TDG: variants seen among roughly 807,000 people sequenced by gnomAD.
TDG encodes thymine DNA glycosylase.
A neutral mutation model predicts 46.1 loss-of-function variants in TDG; 23 were observed. The ratio of observed to expected loss-of-function variants is 0.50; its 90% CI spans 0.36 to 0.71. The LOEUF is 0.71. Among genes scored for constraint, TDG ranks in the 30% least tolerant of loss-of-function variants. The probability of loss-of-function intolerance (pLI) is 0.00; values close to 1 mark genes in which losing one functional copy is unlikely to be tolerated. For missense variants in TDG, 304 were observed against 486.7 expected, an observed-to-expected ratio of 0.62 and a Z score of 3.53; for synonymous variants, 115 against 161.3, an observed-to-expected ratio of 0.71 and a Z score of 2.18.
At chr12:103,984,981 T>C (rs1872047487) in intron 8 of TDG, 61 bp downstream of exon 8, 8 of 1,305,180 alleles carry the variant, frequency 6.1e-6, no homozygotes, top group Admixed American at 2.4e-5. Flanking sequence ...ACATATATAC[T>C]TACATATATA....
chr12:103,977,162 G>T (rs1177751110), intron 2 of TDG, 102 bp downstream of exon 2: 1 of 1,485,550 alleles, frequency 6.7e-7, no homozygotes, highest in East Asian at 2.3e-5. Context: ...GTGTTAAAAA[G>T]TCAAATCCAC....
rs1016872838 is a variant in TDG, at chr12:103,971,285, G to A, written c.23+5225G>A. ...GCAGCTATAAGAAAACAATCTAGCC[G>A]GACACAGTGGCTCACACCTGTAATC... On this transcript the variant is annotated intron_variant, in intron 1 of 9. Transcript: ENST00000392872. Among the ~76,000 whole-genome samples, 6 of 152,158 alleles carry A rather than the reference G, an allele frequency of 3.9e-5. No individual in the cohort carries two copies. In the East Asian group the frequency reaches 5.8e-4, roughly 15 times the overall value.
At position 103,979,883 on chromosome 12, in the gene TDG, A is replaced by G. The variant is rs1871736145; in HGVS notation, c.219A>G (p.Pro73=). The change falls in exon 3 of 10, where the codon CCA becomes CCG. Residue 73 remains proline (P), a synonymous_variant. Coordinates refer to ENST00000392872, the MANE Select transcript of TDG (RefSeq NM_003211.6). ...CCAGAACAACAGAACCAAAACAACC[A>G]GTGGAACCCAAAAAACCTGTTGAGT... ...RKPRTTEPKQ[P]VEPKKPVESK... is the part of the protein sequence containing the mutation. The G allele has an allele frequency of 6.2e-7, 1 of 1,604,172 alleles. No individual in the cohort carries two copies. The highest frequency in any genetic ancestry group is 8.5e-7 in the Non-Finnish European group (1 of 1,177,788).
At chr12:103,976,846 T>G in intron 1 of TDG, 72 bp from the exon 2 acceptor site, 3 of 1,577,616 alleles carry the variant, frequency 1.9e-6, no homozygotes, top group Admixed American at 1.8e-5. Context: ...TGAAGATTTT[T>G]GTACAGCTGA....
intron 2 of TDG, among the ~76,000 whole-genome samples, chr12:103,978,142 AATC>A (rs1871629804): frequency 1.3e-5 from 2 of 152,192 alleles, no homozygotes; most frequent in African/African-American, 4.8e-5. Flanking sequence ...CTGTTTGAAT[AATC>A]TAGGGGAGCA....
chr12:103,970,988 A>T lies in TDG; in HGVS notation c.23+4928A>T, dbSNP rs4135056. Among the ~76,000 whole-genome samples the T allele has an allele frequency of 6.6e-4, 100 of 152,334 alleles. 3 individuals carry two copies. The South Asian group carries it at 0.02, about 30-fold the overall frequency. On this transcript the variant is annotated intron_variant, in intron 1 of 9. Transcript: ENST00000392872. ...AAAATGATACAGATAAAAAGAATGC[A>T]GGATGACAGCTACTTACATAGCATT...
chr12:103,986,947 G>C lies in TDG; in HGVS notation c.1091-1G>C. The C allele has an allele frequency of 1.6e-6, 1 of 616,000 alleles. No homozygotes were observed. Among genetic ancestry groups the C allele is most frequent in the South Asian group, 4.9e-5 (1 of 20,286 alleles). 38.2% of individuals were successfully genotyped at this position (616,000 alleles called of 1,614,324 possible). A position where few individuals can be genotyped will look rare whatever the true frequency, so the allele number is the denominator to read the frequency against. Reference sequence around the variant, plus strand: ...CTAACTTTGTTTTTCTTTTCTGGCAGTTGAGAGCGTGGAGTTAAGAGGAGA... The same window carrying C: ...CTAACTTTGTTTTTCTTTTCTGGCACTTGAGAGCGTGGAGTTAAGAGGAGA... On this transcript the variant is annotated splice_acceptor_variant, in intron 9 of 9. Coordinates refer to ENST00000392872, the MANE Select transcript of TDG (RefSeq NM_003211.6). LOFTEE classifies it high-confidence loss of function.
chr12:103,980,510 G>A (rs1871772187), intron 3 of TDG: 2 of 230,074 alleles, frequency 8.7e-6, no homozygotes, highest in Non-Finnish European at 1.7e-5. Context: ...GTGAACAATT[G>A]TGTAGGTGAT....
At chr12:103,980,698 A>G (rs1593515131) in intron 3 of TDG, 195 bp from the exon 4 acceptor site, 1 of 484,500 alleles carries the variant, frequency 2.1e-6, no homozygotes, top group Non-Finnish European at 3.6e-6. Flanking sequence ...AACTTTTAAA[A>G]TAAAGAAAAT....
At chr12:103,974,869 G>A (rs1871452396) in intron 1 of TDG, among the ~76,000 whole-genome samples, 2 of 151,664 alleles carry the variant, frequency 1.3e-5, no homozygotes, top group Admixed American at 1.3e-4. Context: ...CAGCTACTCG[G>A]GAGGCTGAGG....
chr12:103,966,105 C>T (rs768952457), intron 1 of TDG, 45 bp downstream of exon 1: 9 of 1,494,654 alleles, frequency 6.0e-6, no homozygotes, highest in East Asian at 2.5e-5. Flanking sequence ...CCCCTCACTG[C>T]TGGGCAGGCT....
chr12:103,980,975 C>G lies in TDG; in HGVS notation c.478+13C>G, dbSNP rs1430610346. ...GGAAACCATTTTTGTAAGTGGTTAC[C>G]TTTTAAATTAATTTACTTTTAAATT... On this transcript the variant is annotated intron_variant, in intron 4 of 9. Coordinates refer to ENST00000392872, the MANE Select transcript of TDG (RefSeq NM_003211.6). 1.2e-6 allele frequency: 2 copies of G among 1,600,954 alleles called. No homozygotes were observed. The highest frequency in any genetic ancestry group is 1.1e-5 in the South Asian group (1 of 87,914).
rs763289518 is a variant in TDG, at chr12:103,985,738, C to G, written c.1090+10C>G. 1 of 701,234 alleles carries G rather than the reference C, an allele frequency of 1.4e-6. No individual in the cohort carries two copies. The highest frequency in any genetic ancestry group is 1.7e-6 in the Non-Finnish European group (1 of 581,208). The allele number at this position is 701,234 out of a possible 1,614,324, so 43.4% of individuals were successfully genotyped here. ...TCTTCAAATGGGCTAAGTATGGTTC[C>G]CTCCACATGTGTATTCCTTTCAAAG... On this transcript the variant is annotated intron_variant, in intron 9 of 9. Coordinates refer to ENST00000392872, the MANE Select transcript of TDG (RefSeq NM_003211.6).
Position 103,965,959 on chromosome 12 carries a change from T to G in TDG, c.-79T>G. The stretch of plus-strand genomic sequence containing the variant: ...GGTCTCTGGGGTTGTCTTACCGCAG[T>G]GAGTACCACGCGGTACTACAGAGAC... On this transcript the variant is annotated 5_prime_UTR_variant, in exon 1 of 10. Coordinates refer to ENST00000392872, the MANE Select transcript of TDG (RefSeq NM_003211.6). 6.5e-7 allele frequency: 1 copy of G among 1,534,630 alleles called. No individual in the cohort carries two copies. The highest frequency in any genetic ancestry group is 8.8e-7 in the Non-Finnish European group (1 of 1,133,720).
chr12:103,980,189 G>A lies in TDG; in HGVS notation c.408+117G>A, dbSNP rs750802663. ...AGGACCATTTCTAAGAATCCTTTTGGTGGTAAATGGTGTCAGCTTCATGAG... is the reference window on the plus strand; with the variant it reads ...AGGACCATTTCTAAGAATCCTTTTGATGGTAAATGGTGTCAGCTTCATGAG... On this transcript the variant is annotated intron_variant, in intron 3 of 9. Coordinates refer to ENST00000392872, the MANE Select transcript of TDG (RefSeq NM_003211.6). 11 of 1,394,514 alleles carry A rather than the reference G, an allele frequency of 7.9e-6. No individual in the cohort carries two copies. In the African/African-American group the frequency reaches 1.6e-4, roughly 20 times the overall value. 86.4% of individuals were successfully genotyped at this position (1,394,514 alleles called of 1,614,324 possible).
At chr12:103,976,408 C>CCA (rs144717913) in intron 1 of TDG, among the ~76,000 whole-genome samples, 21,505 of 147,400 alleles carry the variant, frequency 0.15, 1,656 homozygotes, top group East Asian at 0.3. Context: ...CCCTGTCTCC[C>CCA]CACACACACA....
At chr12:103,975,917 C>T (rs1871515644) in intron 1 of TDG, among the ~76,000 whole-genome samples, 1 of 151,894 alleles carries the variant, frequency 6.6e-6, no homozygotes, top group South Asian at 2.1e-4. Flanking sequence ...CCTCCTCGGC[C>T]TCCCAAAGTG....
chr12:103,974,445 G>A (rs1452323014), intron 1 of TDG, among the ~76,000 whole-genome samples: 2 of 152,002 alleles, frequency 1.3e-5, no homozygotes, highest in Non-Finnish European at 1.5e-5. Flanking sequence ...CCCAGCTAAT[G>A]TTTTAAAATT....
intron 1 of TDG, among the ~76,000 whole-genome samples, chr12:103,971,343 C>T (rs1054331419): frequency 2.0e-5 from 3 of 152,288 alleles, no homozygotes; most frequent in Non-Finnish European, 2.9e-5. Context: ...GCGGGCAGAT[C>T]GTGAGGTCAG....
Sources: allele counts gnomAD v4.1 joint callset (sites outside exome capture counted in the v4.1 genomes callset), GRCh38; gene constraint gnomAD v4.1.1; transcripts MANE v1.5; gene names NCBI Gene and HGNC (gene_info 2026-07-23, HGNC 2026-07-21).